HAPSTR1: variants seen among roughly 807,000 people sequenced by gnomAD.
HAPSTR1 encodes HUWE1 associated protein modifying stress responses, also known as HUWE1-associated protein modifying stress responses 1.
At chr16:9,092,041 G>A in the HAPSTR1 span, 25 of 1,506,472 alleles carry the variant, frequency 1.7e-5, no homozygotes, top group Non-Finnish European at 2.2e-5. Flanking sequence ...GGAGGCCGCG[G>A]AGGATGGAGG....
chr16:9,093,026 C>T, the HAPSTR1 span: 3 of 1,596,292 alleles, frequency 1.9e-6, no homozygotes, highest in East Asian at 2.2e-5. Flanking sequence ...GCTGCATTGC[C>T]GATTCAGGGA....
chr16:9,092,110 C>T, the HAPSTR1 span: 1 of 1,549,342 alleles, frequency 6.5e-7, no homozygotes, highest in Non-Finnish European at 8.7e-7. Flanking sequence ...ACTGGTTCTC[C>T]AAGTGGGAGC....
chr16:9,109,915 T>A, the HAPSTR1 span: 1 of 152,214 alleles, frequency 6.6e-6, no homozygotes, highest in Non-Finnish European at 1.5e-5. Context: ...GGAGTTCTTA[T>A]TGTTATTCTG....
At chr16:9,100,244 T>G in the HAPSTR1 span, among the ~76,000 whole-genome samples, 1 of 152,138 alleles carries the variant, frequency 6.6e-6, no homozygotes, top group Non-Finnish European at 1.5e-5. Flanking sequence ...TTAAAAGAGG[T>G]TCACAACTTG....
At chr16:9,092,642 G>A in the HAPSTR1 span, among the ~76,000 whole-genome samples, 1 of 150,522 alleles carries the variant, frequency 6.6e-6, no homozygotes, top group Non-Finnish European at 1.5e-5. Flanking sequence ...CGGCCTCGGG[G>A]CGGGGACTGC....
At chr16:9,095,258 C>A in the HAPSTR1 span, among the ~76,000 whole-genome samples, 1 of 152,070 alleles carries the variant, frequency 6.6e-6, no homozygotes, top group Non-Finnish European at 1.5e-5. Context: ...CTCTGGATAG[C>A]CTCACACTTT....
At chr16:9,093,853 T>A in the HAPSTR1 span, among the ~76,000 whole-genome samples, 1 of 152,080 alleles carries the variant, frequency 6.6e-6, no homozygotes, top group East Asian at 1.9e-4. Context: ...TTTTTTTTTT[T>A]GGCAAGATTT....
At chr16:9,096,936 GCT>G in the HAPSTR1 span, among the ~76,000 whole-genome samples, 1 of 151,984 alleles carries the variant, frequency 6.6e-6, no homozygotes, top group Non-Finnish European at 1.5e-5. Flanking sequence ...TTTGTGTGTA[GCT>G]CTTATTTTTT....
chr16:9,096,831 T>C, the HAPSTR1 span, among the ~76,000 whole-genome samples: 1 of 151,994 alleles, frequency 6.6e-6, no homozygotes, highest in Non-Finnish European at 1.5e-5. Flanking sequence ...AGATCCCGTG[T>C]CTTAAAATTT....
At chr16:9,096,987 G>A in the HAPSTR1 span, among the ~76,000 whole-genome samples, 9 of 152,058 alleles carry the variant, frequency 5.9e-5, no homozygotes, top group African/African-American at 2.2e-4. Context: ...TTGTCCCCCA[G>A]GCTGGAGTGC....
the HAPSTR1 span, chr16:9,103,136 C>T: frequency 2.5e-6 from 4 of 1,614,160 alleles, no homozygotes; most frequent in East Asian, 8.9e-5. Flanking sequence ...AGTTCCTCCA[C>T]CACGAAACTC....
the HAPSTR1 span, among the ~76,000 whole-genome samples, chr16:9,101,751 T>C: frequency 1.3e-5 from 2 of 152,140 alleles, no homozygotes. Context: ...GATTTTTTTT[T>C]TTTTTTTCTG....
chr16:9,118,829 G>A, the HAPSTR1 span: 1 of 152,674 alleles, frequency 6.5e-6, no homozygotes, highest in Non-Finnish European at 1.5e-5. Flanking sequence ...AGGATTTTGA[G>A]ATGGAGGAAC....
At chr16:9,115,661 C>T in the HAPSTR1 span, among the ~76,000 whole-genome samples, 1 of 152,164 alleles carries the variant, frequency 6.6e-6, no homozygotes, top group Non-Finnish European at 1.5e-5. Flanking sequence ...TCGCTCTTGT[C>T]ACCCAGGATG....
the HAPSTR1 span, among the ~76,000 whole-genome samples, chr16:9,102,206 A>G: frequency 2.0e-5 from 3 of 152,262 alleles, no homozygotes; most frequent in Admixed American, 6.5e-5. Context: ...GGATAAAGTA[A>G]CGATGTTGGT....
the HAPSTR1 span, chr16:9,104,945 T>C: frequency 2.0e-5 from 3 of 152,242 alleles, no homozygotes; most frequent in Admixed American, 6.5e-5. Context: ...CATGCTTCTC[T>C]TAAGGTATCT....
chr16:9,116,524 T>A, the HAPSTR1 span: 1 of 1,068,404 alleles, frequency 9.4e-7, no homozygotes, highest in South Asian at 1.6e-5. Context: ...TTATCCAGAA[T>A]AAAACTTAAT....
the HAPSTR1 span, chr16:9,091,964 T>G: frequency 8.2e-7 from 1 of 1,221,804 alleles, no homozygotes; most frequent in African/African-American, 1.6e-5. Context: ...GCCGGGCCGC[T>G]TGACGACGAC....
chr16:9,099,513 T>C, the HAPSTR1 span, among the ~76,000 whole-genome samples: 2 of 152,192 alleles, frequency 1.3e-5, no homozygotes, highest in Non-Finnish European at 2.9e-5. Flanking sequence ...CTTTTTTGAA[T>C]AAGGAAATGA....
Sources: gnomAD v4.1 joint callset for allele counts (sites outside exome capture counted in the v4.1 genomes callset) on GRCh38, gnomAD v4.1.1 for gene constraint, MANE v1.5 for transcripts, NCBI Gene and HGNC (gene_info 2026-07-23, HGNC 2026-07-21) for gene names.